The following FRMD4B variants were observed in gnomAD, a reference collection of about 807,000 sequenced individuals.
FRMD4B encodes FERM domain containing 4B, also known as FERM domain-containing protein 4B.
FRMD4B carries 74 observed loss-of-function variants against 141.5 expected under a neutral mutation model. That is an observed-to-expected ratio of 0.52 (90% CI 0.43 to 0.63). FRMD4B has a LOEUF of 0.63. Ranked by LOEUF, FRMD4B falls within the 30% of genes least tolerant of loss-of-function variation. The pLI is 0.00. For missense variants in FRMD4B, 1,366 were observed against 1,253.4 expected, an observed-to-expected ratio of 1.09 and a Z score of -1.36; for synonymous variants, 506 against 467.9, an observed-to-expected ratio of 1.08 and a Z score of -1.05.
At chr3:69,382,623 C>T (rs1277265715) in intron 1 of FRMD4B, among the ~76,000 whole-genome samples, 1 of 152,104 alleles carries the variant, frequency 6.6e-6, no homozygotes, top group Non-Finnish European at 1.5e-5. Context: ...ATTTCACTCT[C>T]ATTGAGAATG....
At chr3:69,242,226 C>T (rs934052188) in intron 7 of FRMD4B, among the ~76,000 whole-genome samples, 1 of 152,184 alleles carries the variant, frequency 6.6e-6, no homozygotes, top group African/African-American at 2.4e-5. Context: ...AATTCCAAAA[C>T]TCCTCTCTTC....
intron 4 of FRMD4B, among the ~76,000 whole-genome samples, chr3:69,291,025 C>T (rs74527320): frequency 0.016 from 2,431 of 152,262 alleles, 66 homozygotes; most frequent in African/African-American, 0.054. Context: ...TATAGAAGTA[C>T]GTGTGTTCTC....
rs567720693 is a variant in FRMD4B, at chr3:69,326,182, C to G, written c.163-12665G>C. On this transcript the variant is annotated intron_variant, in intron 1 of 22. Transcript: ENST00000398540. ...ATGTTGCCTAGGCTAGTCTTGAACT[C>G]CTGGGCTCAAGTGATCCTCCCGCCT... Among the ~76,000 whole-genome samples, 15 of 146,514 alleles carry G rather than the reference C, an allele frequency of 1.0e-4. No individual in the cohort carries two copies. In the South Asian group the frequency reaches 2.8e-3, roughly 27 times the overall value.
chr3:69,188,980 GGGAGGCCGAGGCA>G (rs2092804007), intron 18 of FRMD4B, among the ~76,000 whole-genome samples: 2 of 151,962 alleles, frequency 1.3e-5, no homozygotes, highest in Admixed American at 6.6e-5. Context: ...CTGGCACTTT[GGGAGGCCGAGGCA>G]GGCAGATCAC....
intron 2 of FRMD4B, among the ~76,000 whole-genome samples, chr3:69,404,137 T>A (rs1704613895): frequency 6.6e-6 from 1 of 152,198 alleles, no homozygotes. Flanking sequence ...CTTCAAGTGA[T>A]CCTCTTGTCT....
At chr3:69,267,622 TATATATATATATATAGAGAG>T (rs2093571517) in intron 5 of FRMD4B, among the ~76,000 whole-genome samples, 16 of 24,278 alleles carry the variant, frequency 6.6e-4, no homozygotes, top group East Asian at 3.5e-3. Flanking sequence ...TATATATATA[TATATATATATATATAGAGAG>T]AGAGAGAGAG....
At chr3:69,183,471 TTAA>T (rs2092730394) in intron 19 of FRMD4B, among the ~76,000 whole-genome samples, 1 of 147,906 alleles carries the variant, frequency 6.8e-6, no homozygotes, top group African/African-American at 2.6e-5. Flanking sequence ...CAATTAGAAG[TTAA>T]TTTTTTTTTT....
At chr3:69,396,506 TA>T (rs34819810) in intron 2 of FRMD4B, among the ~76,000 whole-genome samples, 2,530 of 137,576 alleles carry the variant, frequency 0.018, 58 homozygotes, top group East Asian at 0.098. Context: ...CTCTGTCTCA[TA>T]AAAAAAAAAA....
intron 1 of FRMD4B, chr3:69,472,428 T>G (rs1250656174): frequency 4.3e-6 from 2 of 462,338 alleles, no homozygotes; most frequent in Non-Finnish European, 8.6e-6. Context: ...GGCCAATAAT[T>G]AATCACTAAA....
chr3:69,181,160 G>C lies in FRMD4B; in HGVS notation c.2590C>G (p.Arg864Gly). 6.2e-7 allele frequency: 1 copy of C among 1,613,910 alleles called. No homozygotes were observed. The stretch of plus-strand genomic sequence containing the variant: ...GTTGCATATGGGTTATGGGGTACCC[G>C]GTCGACCTCATCTTCGTGAAAGGAT... Reference protein sequence around the residue: ...SRSFHEDEVDRVPHNPYATLR... With the variant: ...SRSFHEDEVDGVPHNPYATLR... Residue 864 changes from arginine to glycine, a missense_variant, in exon 21 of 23, where the codon CGG becomes GGG. Coordinates refer to ENST00000398540, the MANE Select transcript of FRMD4B (RefSeq NM_015123.3).
At chr3:69,386,978 C>T (rs142058500), upstream of FRMD4B, among the ~76,000 whole-genome samples, 315 of 152,242 alleles carry the variant, frequency 2.1e-3, 3 homozygotes, top group African/African-American at 7.3e-3. Context: ...GTTTATTCTC[C>T]CCTCAAAACC....
At chr3:69,474,196 C>T (rs1705941372) in intron 1 of FRMD4B, among the ~76,000 whole-genome samples, 2 of 152,170 alleles carry the variant, frequency 1.3e-5, no homozygotes, top group African/African-American at 4.8e-5. Context: ...TGACAGAAAC[C>T]TGTTTTAGCA....
chr3:69,221,394 A>G (rs1383644931), intron 9 of FRMD4B, among the ~76,000 whole-genome samples: 2 of 152,222 alleles, frequency 1.3e-5, no homozygotes, highest in Non-Finnish European at 2.9e-5. Flanking sequence ...AATTCGAATC[A>G]CAAACTGGGG....
chr3:69,411,323 T>TATTTA (rs1704756135), intron 2 of FRMD4B, among the ~76,000 whole-genome samples: 4 of 152,188 alleles, frequency 2.6e-5, no homozygotes, highest in Non-Finnish European at 4.4e-5. Context: ...ATTTTCATTG[T>TATTTA]CCTGAGAGTA....
chr3:69,200,481 C>G (rs114313663), intron 11 of FRMD4B: 21 of 991,124 alleles, frequency 2.1e-5, no homozygotes, highest in South Asian at 1.4e-4. Flanking sequence ...CGCCCTCCCC[C>G]CTCCCAGACG....
At chr3:69,365,528 G>A (rs922698846) in intron 1 of FRMD4B, among the ~76,000 whole-genome samples, 5 of 144,126 alleles carry the variant, frequency 3.5e-5, no homozygotes, top group Non-Finnish European at 6.0e-5. Context: ...TTTTTGAGAT[G>A]GAGTCTTGCT....
Position 69,271,818 on chromosome 3 carries a change from C to CA in FRMD4B, c.501+15933dup, listed in dbSNP as rs1177926944. Among the ~76,000 whole-genome samples the CA allele has an allele frequency of 2.4e-4, 37 of 151,892 alleles. 1 individual carries two copies. Among genetic ancestry groups the CA allele is most frequent in the Admixed American group, 2.0e-3 (30 of 15,240 alleles). On this transcript the variant is annotated intron_variant, in intron 5 of 22. Coordinates refer to ENST00000398540, the MANE Select transcript of FRMD4B (RefSeq NM_015123.3). ...TGAAACCCCATCTCTACCAAAAGTACAAAAAAATTAGCTGGGCATGGTGGC... is the reference window on the plus strand; with the variant it reads ...TGAAACCCCATCTCTACCAAAAGTACAAAAAAAATTAGCTGGGCATGGTGGC...
chr3:69,356,962 A>G (rs1246250269), intron 1 of FRMD4B, among the ~76,000 whole-genome samples: 1 of 152,174 alleles, frequency 6.6e-6, no homozygotes, highest in Non-Finnish European at 1.5e-5. Flanking sequence ...ACAAAACTTT[A>G]TTTGCAAACA....
intron 2 of FRMD4B, among the ~76,000 whole-genome samples, chr3:69,393,405 G>C (rs1704420539): frequency 6.6e-6 from 1 of 151,494 alleles, no homozygotes; most frequent in South Asian, 2.1e-4. Flanking sequence ...CAACTGAGCA[G>C]ACATTGGAAA....
Sources: allele counts gnomAD v4.1 joint callset (sites outside exome capture counted in the v4.1 genomes callset), GRCh38; gene constraint gnomAD v4.1.1; transcripts MANE v1.5; gene names NCBI Gene and HGNC (gene_info 2026-07-23, HGNC 2026-07-21).